The following FLVCR1 variants were observed in gnomAD, a reference collection of about 807,000 sequenced individuals.
The protein encoded by FLVCR1 is FLVCR choline and heme transporter 1, also known as choline/ethanolamine transporter FLVCR1.
Under a neutral mutation model 53.6 loss-of-function variants are expected in FLVCR1, and 34 were observed. The ratio of observed to expected loss-of-function variants is 0.63; its 90% CI spans 0.48 to 0.84. FLVCR1 has a LOEUF of 0.84. Among genes scored for constraint, FLVCR1 ranks in the 40% least tolerant of loss-of-function variants. The pLI, the probability that FLVCR1 is intolerant of heterozygous loss-of-function variation, is 0.00. For synonymous variants in FLVCR1, 300 were observed against 286.3 expected, an observed-to-expected ratio of 1.05 and a Z score of -0.48; for missense variants, 677 against 696.7, an observed-to-expected ratio of 0.97 and a Z score of 0.32.
At chr1:212,893,963 T>G (rs1197289952) in intron 8 of FLVCR1, among the ~76,000 whole-genome samples, 1 of 151,794 alleles carries the variant, frequency 6.6e-6, no homozygotes, top group Non-Finnish European at 1.5e-5. Context: ...TTAGTAGAGA[T>G]GGGGGTTTCA....
rs746447501 is a variant in FLVCR1 at position 212,895,919 on chromosome 1, A to G, written c.*629A>G. Reference sequence around the variant, plus strand: ...AAGTACTTTTTAACACATGCAGTCAATGGCTATAAAAACTATTCTGTGTAC... The same window carrying G: ...AAGTACTTTTTAACACATGCAGTCAGTGGCTATAAAAACTATTCTGTGTAC... On this transcript the variant is annotated 3_prime_UTR_variant, in exon 10 of 10. Coordinates refer to ENST00000366971, the MANE Select transcript of FLVCR1 (RefSeq NM_014053.4). The G allele has an allele frequency of 6.5e-6, 1 of 153,774 alleles. No homozygotes were observed. The highest frequency in any genetic ancestry group is 6.4e-5 in the Admixed American group (1 of 15,586). The allele number at this position is 153,774 out of a possible 1,614,324, so 9.5% of individuals were successfully genotyped here.
chr1:212,878,568 A>G (rs1664834436), intron 3 of FLVCR1, among the ~76,000 whole-genome samples: 1 of 151,762 alleles, frequency 6.6e-6, no homozygotes, highest in Non-Finnish European at 1.5e-5. Flanking sequence ...AAGAGAACCT[A>G]GAGACAACTA....
chr1:212,878,008 C>T lies in FLVCR1; in HGVS notation c.1024+5190C>T, dbSNP rs1055625426. Among the ~76,000 whole-genome samples, 10 of 152,082 alleles carry T rather than the reference C, an allele frequency of 6.6e-5. No individual in the cohort carries two copies. In the East Asian group the frequency reaches 9.6e-4, roughly 15 times the overall value. Reference sequence around the variant, plus strand: ...TATCAGAGGTCAGCAAACCATGACCCATGAGCCAAATCTGGACATTGCCTG... The same window carrying T: ...TATCAGAGGTCAGCAAACCATGACCTATGAGCCAAATCTGGACATTGCCTG... On this transcript the variant is annotated intron_variant, in intron 3 of 9. Transcript: ENST00000366971.
intron 5 of FLVCR1, 87 bp downstream of exon 5, chr1:212,885,483 A>T: frequency 1.0e-6 from 1 of 974,080 alleles, no homozygotes; most frequent in South Asian, 1.3e-5. Flanking sequence ...AAGAAATTTA[A>T]AACATGTTAT....
intron 4 of FLVCR1, among the ~76,000 whole-genome samples, chr1:212,884,771 T>C (rs1241174952): frequency 6.6e-6 from 1 of 152,234 alleles, no homozygotes; most frequent in East Asian, 1.9e-4. Context: ...GCCTGCTACA[T>C]ACCTAGGCTA....
At chr1:212,886,367 G>A (rs2102567233) in intron 5 of FLVCR1, among the ~76,000 whole-genome samples, 1 of 151,872 alleles carries the variant, frequency 6.6e-6, no homozygotes, top group African/African-American at 2.4e-5. Flanking sequence ...TTTATGTTGT[G>A]GGCTTAAATA....
chr1:212,882,797 G>A (rs1204806007), intron 3 of FLVCR1, among the ~76,000 whole-genome samples: 2 of 114,894 alleles, frequency 1.7e-5, no homozygotes, highest in Admixed American at 7.9e-5. Flanking sequence ...TCCTTTGGGA[G>A]GCGAGGCAGT....
rs1553261879 is a variant in FLVCR1 at position 212,858,816 on chromosome 1, G to A, written c.364G>A (p.Ala122Thr). The A allele has an allele frequency of 2.5e-6, 4 of 1,614,218 alleles. No individual in the cohort carries two copies. The highest frequency in any genetic ancestry group is 3.4e-6 in the Non-Finnish European group (4 of 1,180,036). The change falls in exon 1 of 10, where the codon GCC becomes ACC. Residue 122 changes from alanine to threonine, a missense_variant. Physicochemically the swap from Ala to Thr is moderately conservative, Grantham distance 58. Coordinates refer to ENST00000366971, the MANE Select transcript of FLVCR1 (RefSeq NM_014053.4). ...LIFSLYSLVN[A>T]FQWIQYSIIS... ...CTTCAGCCTGTACTCGCTGGTCAAC[G>A]CCTTTCAGTGGATCCAGTACAGCAT... is the stretch of plus-strand genomic sequence containing the variant.
chr1:212,867,051 T>G (rs947971055), intron 2 of FLVCR1, among the ~76,000 whole-genome samples: 5 of 152,196 alleles, frequency 3.3e-5, no homozygotes, highest in African/African-American at 1.2e-4. Flanking sequence ...CTGAATTCTA[T>G]CCATACTTAC....
intron 1 of FLVCR1, among the ~76,000 whole-genome samples, chr1:212,861,368 CTT>C (rs909744123): frequency 1.3e-5 from 2 of 152,280 alleles, no homozygotes; most frequent in East Asian, 1.9e-4. Context: ...AACCCCATTT[CTT>C]TTCATTCTTT....
chr1:212,880,363 A>G (rs1664890128), intron 3 of FLVCR1, among the ~76,000 whole-genome samples: 1 of 152,232 alleles, frequency 6.6e-6, no homozygotes, highest in African/African-American at 2.4e-5. Context: ...GAACATGGTG[A>G]GGGACTCATT....
At chr1:212,878,494 C>G (rs1193536301) in intron 3 of FLVCR1, among the ~76,000 whole-genome samples, 2 of 146,696 alleles carry the variant, frequency 1.4e-5, no homozygotes, top group African/African-American at 2.6e-5. Flanking sequence ...GATCGCACCA[C>G]TGCAACTCCA....
intron 8 of FLVCR1, among the ~76,000 whole-genome samples, chr1:212,890,274 A>G (rs1298603498): frequency 6.6e-6 from 1 of 152,210 alleles, no homozygotes; most frequent in Non-Finnish European, 1.5e-5. Flanking sequence ...ATAGTATAAC[A>G]GCTATTTACA....
At chr1:212,872,526 A>C (rs1405301225) in intron 2 of FLVCR1, 152 bp from the exon 3 acceptor site, 1 of 563,722 alleles carries the variant, frequency 1.8e-6, no homozygotes, top group African/African-American at 1.9e-5. Flanking sequence ...GAAAATGAAA[A>C]CCCTTACCAT....
Position 212,887,979 on chromosome 1 carries a change from T to C in FLVCR1, c.1285T>C (p.Phe429Leu). Residue 429 changes from phenylalanine (F) to leucine (L), a missense_variant, in exon 6 of 10, where the codon TTT becomes CTT. Transcript: ENST00000366971. ...GGACCTTAGATATATTATCATCGTG[T>C]TTGTTACTGGAGGGGTGCTTGGGTA... Reference protein sequence around the residue: ...TLDLRYIIIVFVTGGVLGFFM... With the variant: ...TLDLRYIIIVLVTGGVLGFFM... 1.9e-6 allele frequency: 3 copies of C among 1,595,546 alleles called. No homozygotes were observed. The highest frequency in any genetic ancestry group is 2.6e-6 in the Non-Finnish European group (3 of 1,163,408).
At chr1:212,872,533 C>G in intron 2 of FLVCR1, 145 bp from the exon 3 acceptor site, 1 of 587,092 alleles carries the variant, frequency 1.7e-6, no homozygotes, top group Non-Finnish European at 3.0e-6. Context: ...AAAACCCTTA[C>G]CATAAAAGAC....
chr1:212,858,301 G>T lies in FLVCR1; in HGVS notation c.-152G>T. 2 of 746,958 alleles carry T rather than the reference G, an allele frequency of 2.7e-6. No homozygotes were observed. Among genetic ancestry groups the T allele is most frequent in the Non-Finnish European group, 4.1e-6 (2 of 487,790 alleles). The allele number at this position is 746,958 out of a possible 1,614,324, so 46.3% of individuals were successfully genotyped here. On this transcript the variant is annotated 5_prime_UTR_variant, in exon 1 of 10. Coordinates refer to ENST00000366971, the MANE Select transcript of FLVCR1 (RefSeq NM_014053.4). ...GACCTTCATCTGTTCACGCGGTAGC[G>T]CGGATTGCGGTTCGCGGCGCGCGCC...
chr1:212,876,979 C>T (rs1180841686), intron 3 of FLVCR1, among the ~76,000 whole-genome samples: 1 of 152,076 alleles, frequency 6.6e-6, no homozygotes, highest in Non-Finnish European at 1.5e-5. Flanking sequence ...CCTTTTTCTC[C>T]ACAACCTTGC....
At chr1:212,891,977 T>G (rs548955380) in intron 8 of FLVCR1, among the ~76,000 whole-genome samples, 1 of 152,350 alleles carries the variant, frequency 6.6e-6, no homozygotes, top group Admixed American at 6.5e-5. Context: ...AACATCGCCG[T>G]AAGCCAAAGC....
Sources: gnomAD v4.1 joint callset for allele counts (sites outside exome capture counted in the v4.1 genomes callset) on GRCh38, gnomAD v4.1.1 for gene constraint, MANE v1.5 for transcripts, NCBI Gene and HGNC (gene_info 2026-07-23, HGNC 2026-07-21) for gene names.